BAIAP2: variants seen among roughly 807,000 people sequenced by gnomAD.
The protein encoded by BAIAP2 is BAR/IMD domain-containing adapter protein 2.
A neutral mutation model predicts 63.0 loss-of-function variants in BAIAP2; 18 were observed. The observed-to-expected ratio is 0.29, with a 90% CI of 0.20 to 0.42. The LOEUF (loss-of-function observed/expected upper bound fraction) is 0.42, where lower values mean the gene tolerates loss of function less well. Ranked by LOEUF, BAIAP2 falls within the 10% of genes least tolerant of loss-of-function variation. The pLI is 1.00. For synonymous variants in BAIAP2, 386 were observed against 307.6 expected, an observed-to-expected ratio of 1.25 and a Z score of -2.67; for missense variants, 610 against 734.3, an observed-to-expected ratio of 0.83 and a Z score of 1.96.
chr17:81,070,645 G>A (rs1259342991), intron 3 of BAIAP2, among the ~76,000 whole-genome samples: 11 of 152,170 alleles, frequency 7.2e-5, no homozygotes, highest in African/African-American at 1.7e-4. Flanking sequence ...CGCTCAACCC[G>A]TGGGGAGAAG....
chr17:81,070,036 G>A (rs1038879614), intron 3 of BAIAP2, among the ~76,000 whole-genome samples: 26 of 152,264 alleles, frequency 1.7e-4, no homozygotes, highest in African/African-American at 5.5e-4. Context: ...GTCATACATA[G>A]CTCATTGCAG....
intron 3 of BAIAP2, among the ~76,000 whole-genome samples, chr17:81,080,423 C>A (rs1437015477): frequency 6.6e-6 from 1 of 152,252 alleles, no homozygotes; most frequent in Non-Finnish European, 1.5e-5. Flanking sequence ...GCCTGGACCT[C>A]CCCTGTGTGT....
At chr17:81,035,834 C>G (rs996445193) in intron 1 of BAIAP2, among the ~76,000 whole-genome samples, 1 of 152,162 alleles carries the variant, frequency 6.6e-6, no homozygotes, top group Non-Finnish European at 1.5e-5. Context: ...GCCTCGGGCA[C>G]TTCATTCTCA....
At chr17:81,084,622 A>G (rs2055243373) in intron 3 of BAIAP2, among the ~76,000 whole-genome samples, 3 of 152,088 alleles carry the variant, frequency 2.0e-5, no homozygotes, top group Admixed American at 2.0e-4. Flanking sequence ...CGTGCTGTGC[A>G]TTTGAGGTCT....
intron 6 of BAIAP2, among the ~76,000 whole-genome samples, chr17:81,089,307 C>T (rs746984636): frequency 2.0e-5 from 3 of 152,196 alleles, no homozygotes; most frequent in South Asian, 2.1e-4. Context: ...TCCAGTGCCT[C>T]GGTGGACCCT....
intron 2 of BAIAP2, chr17:81,057,661 C>G (rs2049818742): frequency 7.4e-6 from 10 of 1,349,566 alleles, no homozygotes; most frequent in Non-Finnish European, 8.5e-6. Context: ...ACGTTGTGTT[C>G]TTACGAGTCA....
At chr17:81,056,007 G>A (rs1343908639) in intron 2 of BAIAP2, among the ~76,000 whole-genome samples, 1 of 152,196 alleles carries the variant, frequency 6.6e-6, no homozygotes, top group Non-Finnish European at 1.5e-5. Context: ...GCCTCCTGGT[G>A]GAAGTTGCAC....
At chr17:81,042,926 C>T (rs2047290731) in intron 1 of BAIAP2, among the ~76,000 whole-genome samples, 1 of 152,050 alleles carries the variant, frequency 6.6e-6, no homozygotes, top group Admixed American at 6.5e-5. Context: ...TTCTGTCACC[C>T]AGGCTGGAGT....
At chr17:81,054,882 C>G in intron 2 of BAIAP2, among the ~76,000 whole-genome samples, 1 of 152,284 alleles carries the variant, frequency 6.6e-6, no homozygotes, top group East Asian at 1.9e-4. Context: ...GCCCTGTTGG[C>G]CCCGCAGGTG....
intron 3 of BAIAP2, among the ~76,000 whole-genome samples, chr17:81,068,333 G>A (rs539429110): frequency 3.8e-4 from 58 of 152,374 alleles, no homozygotes; most frequent in African/African-American, 1.3e-3. Flanking sequence ...CACGCCCATG[G>A]CAGGGGTCTC....
chr17:81,103,755 G>T (rs920176083), intron 8 of BAIAP2, 32 bp downstream of exon 8: 14 of 1,572,492 alleles, frequency 8.9e-6, no homozygotes, highest in Non-Finnish European at 1.2e-5. Flanking sequence ...AGCTTCACGG[G>T]TGTGGGTGGG....
At chr17:81,035,569 A>T (rs1287303843) in intron 1 of BAIAP2, among the ~76,000 whole-genome samples, 1 of 149,656 alleles carries the variant, frequency 6.7e-6, no homozygotes, top group East Asian at 2.0e-4. Context: ...CCCCAGCCCC[A>T]GGCCCGGGGA....
chr17:81,109,368 A>G (rs1361127653), intron 13 of BAIAP2: 19 of 1,000,640 alleles, frequency 1.9e-5, no homozygotes, highest in Non-Finnish European at 2.1e-5. Flanking sequence ...AAAAAGAAAA[A>G]TCTTAAAAAA....
Position 81,055,574 on chromosome 17 carries a change from G to GTTTT in BAIAP2, c.130+1837_130+1840dup, listed in dbSNP as rs1555657874. On this transcript the variant is annotated intron_variant, in intron 2 of 13. Coordinates refer to ENST00000428708, the MANE Select transcript of BAIAP2 (RefSeq NM_001144888.2). ...CCAGCGAAAGTCTGCAGGGTGTTTTGTTTTTTTTTGAGACGGAGTCTCACT... is the reference window on the plus strand; with the variant it reads ...CCAGCGAAAGTCTGCAGGGTGTTTTGTTTTTTTTTTTTTGAGACGGAGTCTCACT... 6.5e-4 allele frequency among the ~76,000 whole-genome samples: 80 copies of GTTTT among 123,348 alleles called. 1 individual carries two copies. Among genetic ancestry groups the GTTTT allele is most frequent in the African/African-American group, 1.5e-3 (51 of 34,846 alleles). 80.9% of individuals were successfully genotyped at this position (123,348 alleles called of 152,430 possible).
chr17:81,043,514 G>A (rs529337997), intron 1 of BAIAP2, among the ~76,000 whole-genome samples: 1 of 152,332 alleles, frequency 6.6e-6, no homozygotes, highest in South Asian at 2.1e-4. Flanking sequence ...CTGGGGCCTG[G>A]GCGGTGTCAC....
chr17:81,110,133 C>CG (rs1454805637), intron 13 of BAIAP2: 3 of 985,522 alleles, frequency 3.0e-6, no homozygotes, highest in Non-Finnish European at 3.6e-6. Flanking sequence ...GGTGGGAGCC[C>CG]CTGGGAAGCT....
intron 1 of BAIAP2, among the ~76,000 whole-genome samples, chr17:81,043,209 T>C (rs117106578): frequency 0.052 from 7,904 of 152,284 alleles, 314 homozygotes; most frequent in Admixed American, 0.12. Context: ...GAGGCCGAGA[T>C]GCCACCACCT....
intron 5 of BAIAP2, 105 bp from the exon 6 acceptor site, chr17:81,086,338 G>T (rs888069536): frequency 2.8e-6 from 4 of 1,413,344 alleles, no homozygotes; most frequent in Middle Eastern, 2.2e-4. Context: ...GGCTGGCAAG[G>T]GGACCCCGTT....
chr17:81,116,385 C>G lies in BAIAP2; in HGVS notation c.*546C>G. On this transcript the variant is annotated 3_prime_UTR_variant, in exon 14 of 14. Transcript: ENST00000428708. ...GGGCCTGGTCCCTCCCCATGCCCCT[C>G]GGTGGGGCTCTCCTGGGCCCCTCAC... 1 of 1,557,876 alleles carries G rather than the reference C, an allele frequency of 6.4e-7. No individual in the cohort carries two copies. The highest frequency in any genetic ancestry group is 1.1e-5 in the South Asian group (1 of 86,966).
Sources: allele counts gnomAD v4.1 joint callset (sites outside exome capture counted in the v4.1 genomes callset), GRCh38; gene constraint gnomAD v4.1.1; transcripts MANE v1.5; gene names NCBI Gene and HGNC (gene_info 2026-07-23, HGNC 2026-07-21).